Variants in UBE2W observed in about 807,000 individuals in gnomAD.
The protein encoded by UBE2W is ubiquitin conjugating enzyme E2 W, also known as ubiquitin-conjugating enzyme E2 W.
A neutral mutation model predicts 27.2 loss-of-function variants in UBE2W; 18 were observed. That is an observed-to-expected ratio of 0.66 (90% confidence interval 0.46 to 0.98). The LOEUF (loss-of-function observed/expected upper bound fraction) is 0.98. Ranked by LOEUF, UBE2W falls within the 50% of genes least tolerant of loss-of-function variation. The pLI, the probability that UBE2W is intolerant of heterozygous loss-of-function variation, is 0.00. For synonymous variants in UBE2W, 53 were observed against 57.2 expected (o/e 0.93, Z 0.33); for missense variants, 90 against 180.2 (o/e 0.50, Z 2.87).
intron 1 of UBE2W, 48 bp downstream of exon 1, chr8:73,878,760 T>C (rs1416138691): frequency 6.7e-7 from 1 of 1,494,324 alleles, no homozygotes; most frequent in Non-Finnish European, 9.1e-7. Flanking sequence ...ACGCTGGCAC[T>C]CTCTCGGCGG....
At chr8:73,863,831 GGGATGGT>G (rs1174671883) in intron 1 of UBE2W, among the ~76,000 whole-genome samples, 1 of 151,892 alleles carries the variant, frequency 6.6e-6, no homozygotes, top group Non-Finnish European at 1.5e-5. Flanking sequence ...TCATAACGTG[GGGATGGT>G]ATTTTTTTTA....
chr8:73,781,988 T>G (rs1378645182), downstream of UBE2W, among the ~76,000 whole-genome samples: 1 of 141,082 alleles, frequency 7.1e-6, no homozygotes, highest in Non-Finnish European at 1.5e-5. Flanking sequence ...GTCACCAGGC[T>G]GGAGTGCAGT....
chr8:73,847,392 G>A (rs1051890599), intron 1 of UBE2W, among the ~76,000 whole-genome samples: 10 of 152,194 alleles, frequency 6.6e-5, no homozygotes, highest in Non-Finnish European at 1.2e-4. Context: ...TACATGGCTG[G>A]TAGAAGTATA....
chr8:73,868,969 C>G (rs1415300509), intron 1 of UBE2W, among the ~76,000 whole-genome samples: 2 of 152,120 alleles, frequency 1.3e-5, no homozygotes, highest in African/African-American at 4.8e-5. Flanking sequence ...GGAAACAATC[C>G]AAACTGTCAA....
intron 2 of UBE2W, among the ~76,000 whole-genome samples, chr8:73,828,128 T>A (rs1809927475): frequency 6.6e-6 from 1 of 152,146 alleles, no homozygotes; most frequent in African/African-American, 2.4e-5. Flanking sequence ...CTACACGTGT[T>A]GTTCTCTCAA....
rs1300581904 is a variant in UBE2W at position 73,792,815 on chromosome 8, A to C, written c.*1287T>G. ...ATTTTTTTTTTCTATAGAAAGTTTC[A>C]TCTAGCTGTAAGCAAAGTCTTTTCA... On this transcript the variant is annotated 3_prime_UTR_variant, in exon 6 of 6. Coordinates refer to ENST00000602593, the MANE Select transcript of UBE2W (RefSeq NM_018299.6). 6.1e-6 allele frequency: 6 copies of C among 985,392 alleles called. No homozygotes were observed. Among genetic ancestry groups the C allele is most frequent in the Non-Finnish European group, 7.2e-6 (6 of 829,810 alleles). The allele number at this position is 985,392 out of a possible 1,614,324, so 61.0% of individuals were successfully genotyped here.
intron 4 of UBE2W, among the ~76,000 whole-genome samples, chr8:73,807,696 T>G (rs903940706): frequency 2.0e-5 from 3 of 152,196 alleles, no homozygotes; most frequent in African/African-American, 7.2e-5. Context: ...GCAGATACTT[T>G]CACAAACTCA....
At chr8:73,811,192 A>T (rs557313670) in intron 3 of UBE2W, among the ~76,000 whole-genome samples, 15 of 152,266 alleles carry the variant, frequency 9.9e-5, no homozygotes, top group African/African-American at 3.4e-4. Context: ...TCAGTAAATA[A>T]CTATGTGCCT....
intron 1 of UBE2W, among the ~76,000 whole-genome samples, chr8:73,878,328 C>G (rs1319057881): frequency 1.3e-5 from 2 of 152,230 alleles, no homozygotes; most frequent in Non-Finnish European, 2.9e-5. Context: ...CGCTAAGCGC[C>G]GTCCGCAGCC....
chr8:73,842,231 G>A (rs543887832), intron 1 of UBE2W, among the ~76,000 whole-genome samples: 17 of 152,116 alleles, frequency 1.1e-4, no homozygotes, highest in South Asian at 2.1e-4. Flanking sequence ...CTATGCAACC[G>A]TTAAGAATGA....
At chr8:73,835,666 C>T (rs942225413) in intron 1 of UBE2W, among the ~76,000 whole-genome samples, 6 of 152,132 alleles carry the variant, frequency 3.9e-5, no homozygotes, top group African/African-American at 1.4e-4. Flanking sequence ...ATTGCTTGTA[C>T]CCGGGAGGCA....
chr8:73,856,567 T>A (rs1015029923), intron 1 of UBE2W, among the ~76,000 whole-genome samples: 1 of 143,638 alleles, frequency 7.0e-6, no homozygotes, highest in Non-Finnish European at 1.5e-5. Flanking sequence ...GTCTCGCTGG[T>A]CTGGCTCGAA....
At position 73,787,098 on chromosome 8, in the gene UBE2W, G is replaced by C. The variant is rs1274831876; in HGVS notation, c.*7004C>G. On this transcript the variant is annotated 3_prime_UTR_variant, in exon 6 of 6. Coordinates refer to ENST00000602593, the MANE Select transcript of UBE2W (RefSeq NM_018299.6). ...CATAATCCACTTAACTGTAAAGGGC[G>C]TAGGGATTCCCACTTATGTATTTTG... is the stretch of plus-strand genomic sequence containing the variant. 14 of 985,256 alleles carry C rather than the reference G, an allele frequency of 1.4e-5. No homozygotes were observed. The highest frequency in any genetic ancestry group is 1.7e-5 in the African/African-American group (1 of 57,224). The allele number at this position is 985,256 out of a possible 1,614,324, so 61.0% of individuals were successfully genotyped here.
intron 1 of UBE2W, among the ~76,000 whole-genome samples, chr8:73,835,519 A>C (rs1351927091): frequency 6.6e-6 from 1 of 152,110 alleles, no homozygotes; most frequent in Non-Finnish European, 1.5e-5. Flanking sequence ...GAGGTGGGTG[A>C]ATCACCTGAG....
chr8:73,825,069 T>C (rs1809781191), intron 3 of UBE2W, 78 bp downstream of exon 3: 4 of 846,170 alleles, frequency 4.7e-6, no homozygotes, highest in Middle Eastern at 2.9e-4. Flanking sequence ...CTGATTTATA[T>C]GTTTTTACTG....
In UBE2W at chr8:73,834,900, C is replaced by T. The variant is rs184253663; in HGVS notation, c.16-4428G>A. ...CTGCAGCCTGGGCTATAGAGTGAGA[C>T]TCCATCTCAATAAAATAAAATAAAC... On this transcript the variant is annotated intron_variant, in intron 1 of 5. Transcript: ENST00000602593. Among the ~76,000 whole-genome samples the T allele has an allele frequency of 2.8e-4, 42 of 152,242 alleles. 1 individual carries two copies. Among genetic ancestry groups the T allele is most frequent in the Admixed American group, 2.7e-3 (42 of 15,286 alleles).
downstream of UBE2W, among the ~76,000 whole-genome samples, chr8:73,782,103 G>T (rs1807857523): frequency 1.4e-5 from 2 of 144,880 alleles, no homozygotes; most frequent in South Asian, 4.2e-4. Context: ...ACTAGGCCCG[G>T]CTAATTTTTT....
intron 5 of UBE2W, among the ~76,000 whole-genome samples, chr8:73,800,474 G>T (rs942635544): frequency 1.3e-5 from 2 of 152,100 alleles, no homozygotes; most frequent in Admixed American, 6.6e-5. Context: ...ATGTACCCAG[G>T]ACTGGGGACT....
Position 73,786,347 on chromosome 8 carries a change from A to G in UBE2W, c.*7755T>C. ...ATATGTTTCAAAATAGCTAGCACCT[A>G]AGTTTCTTTGAGAAAGCTAGGATAA... On this transcript the variant is annotated 3_prime_UTR_variant, in exon 6 of 6. Transcript: ENST00000602593. The G allele has an allele frequency of 1.0e-6, 1 of 985,452 alleles. No individual in the cohort carries two copies. Among genetic ancestry groups the G allele is most frequent in the Non-Finnish European group, 1.2e-6 (1 of 829,934 alleles). The allele number at this position is 985,452 out of a possible 1,614,324, so 61.0% of individuals were successfully genotyped here. A position where few individuals can be genotyped will look rare whatever the true frequency, so the allele number is the denominator to read the frequency against.
Sources: allele counts gnomAD v4.1 joint callset (sites outside exome capture counted in the v4.1 genomes callset), GRCh38; gene constraint gnomAD v4.1.1; transcripts MANE v1.5; gene names NCBI Gene and HGNC (gene_info 2026-07-23, HGNC 2026-07-21).